SLC24A4: variants seen among roughly 807,000 people sequenced by gnomAD.
The protein encoded by SLC24A4 is solute carrier family 24 member 4.
SLC24A4 carries 53 observed loss-of-function variants against 79.0 expected under a neutral mutation model. That is an observed-to-expected ratio of 0.67 (90% CI 0.54 to 0.84). The LOEUF (loss-of-function observed/expected upper bound fraction) is 0.84, where lower values mean the gene tolerates loss of function less well. Ranked by LOEUF, SLC24A4 falls within the 40% of genes least tolerant of loss-of-function variation. The probability of loss-of-function intolerance (pLI) is 0.00; values close to 1 mark genes in which losing one functional copy is unlikely to be tolerated. For missense variants in SLC24A4, 731 were observed against 822.0 expected, an observed-to-expected ratio of 0.89 and a Z score of 1.35; for synonymous variants, 323 against 323.8, an observed-to-expected ratio of 1.00 and a Z score of 0.03.
chr14:92,398,997 C>T lies in SLC24A4; in HGVS notation c.242-34915C>T, dbSNP rs867852071. Among the ~76,000 whole-genome samples, 8 of 152,212 alleles carry T rather than the reference C, an allele frequency of 5.3e-5. No homozygotes were observed. Among genetic ancestry groups the T allele is most frequent in the South Asian group, 4.1e-4 (2 of 4,830 alleles). The stretch of plus-strand genomic sequence containing the variant: ...TCAAGTATCCTACTTCAGGGGGATT[C>T]TAGCGAGATTTAGGAACTTAATTAA... On this transcript the variant is annotated intron_variant, in intron 2 of 16. Coordinates refer to ENST00000532405, the MANE Select transcript of SLC24A4 (RefSeq NM_153646.4). The surrounding 1 kb of genome is among the most constrained non-coding windows in gnomAD (Gnocchi z 4.1).
At chr14:92,369,500 G>A (rs1331557256) in intron 2 of SLC24A4, among the ~76,000 whole-genome samples, 5 of 152,150 alleles carry the variant, frequency 3.3e-5, no homozygotes, top group Admixed American at 2.6e-4. Context: ...TGTGGAGACA[G>A]GACCACCAAA....
intron 2 of SLC24A4, among the ~76,000 whole-genome samples, chr14:92,415,475 G>T (rs1029433556): frequency 6.6e-6 from 1 of 151,670 alleles, no homozygotes; most frequent in Non-Finnish European, 1.5e-5. Flanking sequence ...ATTTATTTTC[G>T]AGACGGAGTT....
chr14:92,436,219 C>T (rs972728883), intron 3 of SLC24A4, among the ~76,000 whole-genome samples: 2 of 152,164 alleles, frequency 1.3e-5, no homozygotes, highest in African/African-American at 4.8e-5. Context: ...GGGAAAACTG[C>T]CTTATAAAAC....
intron 12 of SLC24A4, among the ~76,000 whole-genome samples, chr14:92,474,696 TATATAC>T (rs1894623604): frequency 1.0e-4 from 1 of 9,868 alleles, no homozygotes; most frequent in South Asian, 6.7e-3. Context: ...TATATATGTA[TATATAC>T]GTGTGTGTAT....
chr14:92,356,387 TTTTTCTTTCTTGAAAA>T, intron 2 of SLC24A4, among the ~76,000 whole-genome samples: 1 of 152,220 alleles, frequency 6.6e-6, no homozygotes, highest in African/African-American at 2.4e-5. Context: ...TTGTGAAATG[TTTTTCTTTCTTGAAAA>T]CTAGAATGAG....
chr14:92,401,573 C>T (rs1890112724), intron 2 of SLC24A4, among the ~76,000 whole-genome samples: 1 of 152,080 alleles, frequency 6.6e-6, no homozygotes. Flanking sequence ...CACAAAGGGC[C>T]CCTCTTTGGA....
chr14:92,417,956 A>G (rs969652020), intron 2 of SLC24A4, among the ~76,000 whole-genome samples: 1 of 152,196 alleles, frequency 6.6e-6, no homozygotes, highest in Admixed American at 6.5e-5. Flanking sequence ...ATCATTAAGT[A>G]ACACACGACT....
At chr14:92,452,922 A>C (rs181404514) in intron 10 of SLC24A4, 1 of 152,208 alleles carries the variant, frequency 6.6e-6, no homozygotes, top group African/African-American at 2.4e-5. Context: ...GTTACCCTAA[A>C]ACCCGTAAAG....
intron 2 of SLC24A4, among the ~76,000 whole-genome samples, chr14:92,369,844 A>G (rs945061855): frequency 7.2e-5 from 11 of 152,196 alleles, no homozygotes; most frequent in African/African-American, 2.7e-4. Context: ...ACACATTGTC[A>G]AATGTCTCCT....
At chr14:92,407,294 C>T (rs1020942738) in intron 2 of SLC24A4, among the ~76,000 whole-genome samples, 4 of 152,180 alleles carry the variant, frequency 2.6e-5, no homozygotes, top group African/African-American at 4.8e-5. Context: ...CAAAACCATT[C>T]AACAAGTCTC....
chr14:92,381,303 C>G lies in SLC24A4; in HGVS notation c.242-52609C>G, dbSNP rs112966950. 5.8e-3 allele frequency among the ~76,000 whole-genome samples: 888 copies of G among 152,142 alleles called. 13 individuals carry two copies. The highest frequency in any genetic ancestry group is 0.02 in the African/African-American group (844 of 41,502). ...GCAGGGACATGGATGAAGCTGGAAGCCATCATCCTCAGCAAACTAACACGG... is the reference window on the plus strand; with the variant it reads ...GCAGGGACATGGATGAAGCTGGAAGGCATCATCCTCAGCAAACTAACACGG... On this transcript the variant is annotated intron_variant, in intron 2 of 16. Coordinates refer to ENST00000532405, the MANE Select transcript of SLC24A4 (RefSeq NM_153646.4).
chr14:92,327,145 T>C (rs1832182908), intron 2 of SLC24A4, among the ~76,000 whole-genome samples: 1 of 152,222 alleles, frequency 6.6e-6, no homozygotes, highest in Admixed American at 6.5e-5. Context: ...AACCTTTGGT[T>C]GGTTCCCTGT....
At position 92,323,479 on chromosome 14, in the gene SLC24A4, C is replaced by G. The variant is rs1884911939; in HGVS notation, c.-352C>G. 6.2e-6 allele frequency: 1 copy of G among 161,658 alleles called. No homozygotes were observed. The allele number at this position is 161,658 out of a possible 1,614,324, so 10.0% of individuals were successfully genotyped here. A position where few individuals can be genotyped will look rare whatever the true frequency, so the allele number is the denominator to read the frequency against. The stretch of plus-strand genomic sequence containing the variant: ...CTGCCAGGGCTGTGGCCGGGCGAGC[C>G]GGCCGAAGCGGAGCGGGCAGGTAGC... On this transcript the variant is annotated 5_prime_UTR_variant, in exon 1 of 17. Transcript: ENST00000532405. The surrounding 1 kb of genome is among the most constrained non-coding windows in gnomAD (Gnocchi z 4.9).
At chr14:92,408,949 T>G (rs1324592523) in intron 2 of SLC24A4, among the ~76,000 whole-genome samples, 2 of 151,738 alleles carry the variant, frequency 1.3e-5, no homozygotes, top group Non-Finnish European at 2.9e-5. Context: ...GAAGCTGGAG[T>G]TTTCTGAAAG....
At chr14:92,322,904 C>T (rs1884870404), upstream of SLC24A4, among the ~76,000 whole-genome samples, 2 of 152,136 alleles carry the variant, frequency 1.3e-5, no homozygotes, top group African/African-American at 4.8e-5. Flanking sequence ...CCAGCGGTGC[C>T]ATAACCTGTT....
At chr14:92,388,018 G>T (rs61975645) in intron 2 of SLC24A4, among the ~76,000 whole-genome samples, 11,487 of 152,254 alleles carry the variant, frequency 0.075, 506 homozygotes, top group Non-Finnish European at 0.086. Context: ...GTGTGCAGAT[G>T]TCTGCTCAGG....
At chr14:92,400,149 C>CA (rs1198431042) in intron 2 of SLC24A4, among the ~76,000 whole-genome samples, 2 of 152,034 alleles carry the variant, frequency 1.3e-5, no homozygotes, top group Admixed American at 1.3e-4. Context: ...TGGAAAAAAT[C>CA]AGAGTTGGAG....
At chr14:92,341,612 G>A (rs549216342) in intron 2 of SLC24A4, among the ~76,000 whole-genome samples, 4 of 152,332 alleles carry the variant, frequency 2.6e-5, no homozygotes, top group South Asian at 2.1e-4. Context: ...GCCTCCACCT[G>A]GGGCATTGTC....
At chr14:92,439,276 C>G (rs1892357246) in intron 3 of SLC24A4, 59 bp from the exon 4 acceptor site, 2 of 1,455,960 alleles carry the variant, frequency 1.4e-6, no homozygotes, top group South Asian at 1.1e-5. Context: ...TGTGGTGGGC[C>G]CTTTGCAGCT....
Sources: allele counts gnomAD v4.1 joint callset (sites outside exome capture counted in the v4.1 genomes callset), GRCh38; gene constraint gnomAD v4.1.1; non-coding constraint Gnocchi (gnomAD v3.1); transcripts MANE v1.5; gene names NCBI Gene and HGNC (gene_info 2026-07-23, HGNC 2026-07-21).